The following SNCAIP variants were observed in gnomAD, a reference collection of about 807,000 sequenced individuals.
The protein encoded by SNCAIP is synphilin-1.
In SNCAIP, 43 loss-of-function variants were observed where a neutral mutation model predicts 86.7. The ratio of observed to expected loss-of-function variants is 0.50; its 90% CI spans 0.39 to 0.64. The LOEUF is 0.64. SNCAIP is among the 30% of genes least tolerant of loss of function. The probability of loss-of-function intolerance (pLI) is 0.00; values close to 1 mark genes in which losing one functional copy is unlikely to be tolerated. For missense variants in SNCAIP, 981 were observed against 1,103.1 expected, an observed-to-expected ratio of 0.89 and a Z score of 1.57; for synonymous variants, 417 against 427.2, an observed-to-expected ratio of 0.98 and a Z score of 0.29.
intron 1 of SNCAIP, chr5:122,323,345 G>C (rs1753371479): frequency 6.6e-6 from 1 of 152,164 alleles, no homozygotes; most frequent in African/African-American, 2.4e-5. Flanking sequence ...CAAATCTTGG[G>C]CACTGGATGT....
intron 3 of SNCAIP, among the ~76,000 whole-genome samples, chr5:122,417,074 G>A (rs1775460621): frequency 6.6e-6 from 1 of 151,936 alleles, no homozygotes; most frequent in Non-Finnish European, 1.5e-5. Context: ...TTTCTAATAC[G>A]GACACATAAC....
intron 2 of SNCAIP, among the ~76,000 whole-genome samples, chr5:122,396,983 A>T (rs1023368698): frequency 5.9e-5 from 9 of 152,134 alleles, no homozygotes; most frequent in African/African-American, 2.2e-4. Flanking sequence ...ATAAATAATA[A>T]TATGATTGCT....
intron 1 of SNCAIP, among the ~76,000 whole-genome samples, chr5:122,355,044 CTT>C (rs1451033277): frequency 6.6e-6 from 1 of 152,120 alleles, no homozygotes; most frequent in Non-Finnish European, 1.5e-5. Context: ...GTATAAAAAA[CTT>C]TGTGTGTGAG....
chr5:122,383,032 G>GAGGC (rs1561631507), intron 1 of SNCAIP, among the ~76,000 whole-genome samples: 2 of 152,358 alleles, frequency 1.3e-5, no homozygotes, highest in East Asian at 3.9e-4. Flanking sequence ...GGAGTCTACA[G>GAGGC]AGGCAGGCAG....
intron 6 of SNCAIP, among the ~76,000 whole-genome samples, chr5:122,437,748 A>G (rs1779846081): frequency 6.6e-6 from 1 of 152,236 alleles, no homozygotes; most frequent in Non-Finnish European, 1.5e-5. Context: ...TATTGTAACA[A>G]TATAGGTTGA....
At chr5:122,354,114 G>T (rs944193152) in intron 1 of SNCAIP, among the ~76,000 whole-genome samples, 5 of 152,180 alleles carry the variant, frequency 3.3e-5, no homozygotes, top group African/African-American at 1.2e-4. Flanking sequence ...TAACCTCACA[G>T]TTTAGAATTC....
chr5:122,411,751 T>C (rs569581621), intron 3 of SNCAIP, among the ~76,000 whole-genome samples: 5 of 152,226 alleles, frequency 3.3e-5, no homozygotes, highest in African/African-American at 9.6e-5. Flanking sequence ...CCCAGGAGGT[T>C]GTGAGAAATG....
At chr5:122,391,445 ATGT>A (rs1769336737) in intron 2 of SNCAIP, among the ~76,000 whole-genome samples, 1 of 152,182 alleles carries the variant, frequency 6.6e-6, no homozygotes, top group Non-Finnish European at 1.5e-5. Context: ...ATGTGTTCCA[ATGT>A]TGTCAAAACT....
chr5:122,412,966 A>C (rs1451268234), intron 3 of SNCAIP, among the ~76,000 whole-genome samples: 2 of 152,132 alleles, frequency 1.3e-5, no homozygotes, highest in Non-Finnish European at 2.9e-5. Flanking sequence ...TCCCTCCAGA[A>C]TTTGTGTGTT....
At chr5:122,447,708 T>G (rs1026775895) in intron 8 of SNCAIP, among the ~76,000 whole-genome samples, 13 of 152,220 alleles carry the variant, frequency 8.5e-5, no homozygotes, top group African/African-American at 3.1e-4. Flanking sequence ...ATCAGCAAAT[T>G]ATAGACTGTG....
At chr5:122,328,416 T>C (rs1754569001) in intron 1 of SNCAIP, among the ~76,000 whole-genome samples, 1 of 152,230 alleles carries the variant, frequency 6.6e-6, no homozygotes, top group Non-Finnish European at 1.5e-5. Flanking sequence ...TTTCCTAGTT[T>C]GGTGAATAGC....
chr5:122,407,726 A>G (rs1773293574), intron 3 of SNCAIP, among the ~76,000 whole-genome samples: 1 of 151,572 alleles, frequency 6.6e-6, no homozygotes, highest in African/African-American at 2.4e-5. Context: ...TTTATTTAAA[A>G]GTGAAAAATA....
At chr5:122,330,758 A>T (rs1755156378) in intron 1 of SNCAIP, among the ~76,000 whole-genome samples, 1 of 151,902 alleles carries the variant, frequency 6.6e-6, no homozygotes, top group Admixed American at 6.6e-5. Flanking sequence ...GGGGGAGGGG[A>T]TAGTTTCAGG....
chr5:122,380,597 T>C (rs1376629898), intron 1 of SNCAIP, among the ~76,000 whole-genome samples: 3 of 149,914 alleles, frequency 2.0e-5, no homozygotes, highest in Admixed American at 2.0e-4. Context: ...TGAATGTGTT[T>C]GCTCTTGCTT....
chr5:122,388,329 A>C (rs1381195451), intron 1 of SNCAIP, among the ~76,000 whole-genome samples: 1 of 152,030 alleles, frequency 6.6e-6, no homozygotes, highest in Non-Finnish European at 1.5e-5. Context: ...GATTCAGCTC[A>C]CAGGCCTCCA....
chr5:122,370,418 ATGTAT>A (rs1206432821), intron 1 of SNCAIP, among the ~76,000 whole-genome samples: 1 of 152,038 alleles, frequency 6.6e-6, no homozygotes, highest in Non-Finnish European at 1.5e-5. Context: ...CATATATGAC[ATGTAT>A]TGTACTTTAG....
intron 10 of SNCAIP, among the ~76,000 whole-genome samples, chr5:122,463,049 C>T (rs1786818731): frequency 6.6e-6 from 1 of 152,180 alleles, no homozygotes; most frequent in Non-Finnish European, 1.5e-5. Context: ...TCAGTAATCA[C>T]ACACCAAAAA....
intron 10 of SNCAIP, among the ~76,000 whole-genome samples, chr5:122,457,426 T>A (rs1785027213): frequency 6.6e-6 from 1 of 152,192 alleles, no homozygotes; most frequent in African/African-American, 2.4e-5. Flanking sequence ...TGCCTGAAGT[T>A]GGGTGATTGC....
At chr5:122,420,238 CAG>C (rs1561721037) in intron 3 of SNCAIP, among the ~76,000 whole-genome samples, 1 of 152,192 alleles carries the variant, frequency 6.6e-6, no homozygotes, top group African/African-American at 2.4e-5. Context: ...AAGACCCAGA[CAG>C]AATTCATTTC....
Sources: gnomAD v4.1 joint callset for allele counts (sites outside exome capture counted in the v4.1 genomes callset) on GRCh38, gnomAD v4.1.1 for gene constraint, MANE v1.5 for transcripts, NCBI Gene and HGNC (gene_info 2026-07-23, HGNC 2026-07-21) for gene names.